Variants in SLIT3 observed in about 807,000 individuals in gnomAD.
SLIT3 encodes the protein slit homolog 3 protein.
A neutral mutation model predicts 184.0 loss-of-function variants in SLIT3; 68 were observed. That is an observed-to-expected ratio of 0.37 (90% CI 0.30 to 0.45). The LOEUF is 0.45. Among genes scored for constraint, SLIT3 ranks in the 20% least tolerant of loss-of-function variants. SLIT3 has a pLI of 1.00. For synonymous variants in SLIT3, 831 were observed against 828.6 expected (o/e 1.00, Z -0.05); for missense variants, 1,707 against 2,026.0 (o/e 0.84, Z 3.02).
intron 3 of SLIT3, among the ~76,000 whole-genome samples, chr5:169,240,463 C>A (rs1216921251): frequency 6.6e-6 from 1 of 150,946 alleles, no homozygotes; most frequent in Non-Finnish European, 1.5e-5. Flanking sequence ...TGGGATATTT[C>A]CTATTTTATC....
chr5:169,148,002 C>T (rs369352896), intron 4 of SLIT3, among the ~76,000 whole-genome samples: 20 of 152,266 alleles, frequency 1.3e-4, no homozygotes, highest in Admixed American at 5.9e-4. Flanking sequence ...CAAGAAGATT[C>T]GTTCCTGTCT....
chr5:168,835,236 T>C (rs536399811), intron 6 of SLIT3, among the ~76,000 whole-genome samples: 13 of 152,284 alleles, frequency 8.5e-5, no homozygotes, highest in African/African-American at 2.9e-4. Context: ...GAGTTTTAAA[T>C]GTTGGCAACA....
intron 4 of SLIT3, among the ~76,000 whole-genome samples, chr5:169,083,108 G>A (rs150181904): frequency 6.6e-5 from 10 of 152,258 alleles, no homozygotes; most frequent in African/African-American, 1.2e-4. Flanking sequence ...ACACAGTTTC[G>A]GAACTAACTG....
intron 4 of SLIT3, among the ~76,000 whole-genome samples, chr5:168,929,203 T>G (rs1761917055): frequency 6.6e-6 from 1 of 152,158 alleles, no homozygotes; most frequent in Non-Finnish European, 1.5e-5. Flanking sequence ...AACTCTACCT[T>G]AAACCATCGG....
chr5:168,996,352 G>A (rs561648173), intron 4 of SLIT3, among the ~76,000 whole-genome samples: 2 of 152,204 alleles, frequency 1.3e-5, no homozygotes, highest in South Asian at 4.2e-4. Context: ...TTCACACCAG[G>A]GTGACATTAA....
chr5:169,173,119 G>A (rs1416814288), intron 4 of SLIT3, among the ~76,000 whole-genome samples: 1 of 152,142 alleles, frequency 6.6e-6, no homozygotes, highest in Admixed American at 6.5e-5. Flanking sequence ...AAATTAGCTG[G>A]GTGTGGTGGC....
At chr5:168,809,536 C>T (rs1757097322) in intron 8 of SLIT3, among the ~76,000 whole-genome samples, 1 of 152,134 alleles carries the variant, frequency 6.6e-6, no homozygotes, top group Non-Finnish European at 1.5e-5. Context: ...CTCCTGTGAT[C>T]GATGCCAATG....
intron 4 of SLIT3, among the ~76,000 whole-genome samples, chr5:168,908,745 G>A (rs1196854266): frequency 1.3e-5 from 2 of 152,112 alleles, no homozygotes; most frequent in Admixed American, 6.5e-5. Flanking sequence ...GAAATCATAC[G>A]AAAAGTAGGC....
intron 4 of SLIT3, among the ~76,000 whole-genome samples, chr5:169,079,200 A>G (rs1758866200): frequency 6.6e-6 from 1 of 152,128 alleles, no homozygotes; most frequent in Non-Finnish European, 1.5e-5. Context: ...AAAATGCTTT[A>G]AGGAGCCCCA....
intron 1 of SLIT3, among the ~76,000 whole-genome samples, chr5:169,272,803 G>C (rs1029871823): frequency 2.6e-5 from 4 of 152,210 alleles, no homozygotes; most frequent in Non-Finnish European, 4.4e-5. Context: ...ATTGAGAGCA[G>C]CTGGCACTTC....
intron 4 of SLIT3, among the ~76,000 whole-genome samples, chr5:169,140,358 G>A (rs887002139): frequency 7.8e-5 from 11 of 140,246 alleles, no homozygotes; most frequent in African/African-American, 2.2e-4. Context: ...GTGTGTGCCT[G>A]TAGTCCCAGC....
chr5:169,285,892 C>A (rs1170149555), intron 1 of SLIT3, among the ~76,000 whole-genome samples: 1 of 152,176 alleles, frequency 6.6e-6, no homozygotes, highest in Non-Finnish European at 1.5e-5. Context: ...ATGCCTCAGA[C>A]TGTATGGAGC....
intron 2 of SLIT3, among the ~76,000 whole-genome samples, chr5:169,248,454 A>AC (rs1448908736): frequency 6.6e-6 from 1 of 152,052 alleles, no homozygotes; most frequent in East Asian, 1.9e-4. Context: ...TCCCATCCAG[A>AC]CTTCTGGGCT....
At chr5:168,921,673 C>T (rs1373968734) in intron 4 of SLIT3, among the ~76,000 whole-genome samples, 3 of 152,224 alleles carry the variant, frequency 2.0e-5, no homozygotes, top group African/African-American at 7.2e-5. Context: ...CCTCCGGCTG[C>T]ATCTCCTGTC....
At chr5:168,821,871 G>T (rs191606266) in intron 7 of SLIT3, among the ~76,000 whole-genome samples, 249 of 152,282 alleles carry the variant, frequency 1.6e-3, no homozygotes, top group African/African-American at 5.8e-3. Flanking sequence ...TGCAAACTCT[G>T]TGTCCTTCTT....
At chr5:169,079,545 AAGGAGGAAGAAGGAGG>A (rs1215414862) in intron 4 of SLIT3, among the ~76,000 whole-genome samples, 1 of 79,630 alleles carries the variant, frequency 1.3e-5, no homozygotes, top group African/African-American at 5.4e-5. Context: ...GAGGAGGAAG[AAGGAGGAAGAAGGAGG>A]AGGAGGAAGG....
At chr5:169,135,712 AT>A (rs1198930777) in intron 4 of SLIT3, among the ~76,000 whole-genome samples, 1 of 152,190 alleles carries the variant, frequency 6.6e-6, no homozygotes, top group African/African-American at 2.4e-5. Context: ...AAGTCGCAAA[AT>A]ACTGGAAGCT....
intron 4 of SLIT3, among the ~76,000 whole-genome samples, chr5:169,033,107 C>T (rs1757098992): frequency 6.6e-6 from 1 of 152,032 alleles, no homozygotes; most frequent in South Asian, 2.1e-4. Context: ...CCCTAGCTAT[C>T]CCCTGCCTGG....
Position 168,865,340 on chromosome 5 carries a change from G to A in SLIT3, c.485+17925C>T, listed in dbSNP as rs554100989. ...ACCCAAATTTGGAAACAATCCAAAT[G>A]CCCATCAACAGGGGAATGGATTGAC... is the stretch of plus-strand genomic sequence containing the variant. On this transcript the variant is annotated intron_variant, in intron 5 of 35. Coordinates refer to ENST00000519560, the MANE Select transcript of SLIT3 (RefSeq NM_003062.4). Among the ~76,000 whole-genome samples, 6 of 152,254 alleles carry A rather than the reference G, an allele frequency of 3.9e-5. No homozygotes were observed. The South Asian group carries it at 1.0e-3, about 26-fold the overall frequency.
Sources: allele counts gnomAD v4.1 joint callset (sites outside exome capture counted in the v4.1 genomes callset), GRCh38; gene constraint gnomAD v4.1.1; transcripts MANE v1.5; gene names NCBI Gene and HGNC (gene_info 2026-07-23, HGNC 2026-07-21).